LRCH1: variants seen among roughly 807,000 people sequenced by gnomAD.
LRCH1 encodes leucine rich repeats and calponin homology domain containing 1.
In LRCH1, 23 loss-of-function variants were observed where a neutral mutation model predicts 94.9. That is an observed-to-expected ratio of 0.24 (90% CI 0.17 to 0.34). The LOEUF is 0.34. Among genes scored for constraint, LRCH1 ranks in the 10% least tolerant of loss-of-function variants. LRCH1 has a pLI of 1.00. For synonymous variants in LRCH1, 364 were observed against 354.9 expected (o/e 1.03, Z -0.29); for missense variants, 790 against 945.9 (o/e 0.84, Z 2.16).
chr13:46,679,455 C>A (rs545678503), intron 3 of LRCH1, among the ~76,000 whole-genome samples: 1 of 152,204 alleles, frequency 6.6e-6, no homozygotes. Flanking sequence ...GAAATACATT[C>A]GGAAAGGCAG....
intron 18 of LRCH1, among the ~76,000 whole-genome samples, chr13:46,733,228 A>T (rs1193412756): frequency 6.6e-6 from 1 of 152,190 alleles, no homozygotes; most frequent in Non-Finnish European, 1.5e-5. Context: ...AAAAAAGTAT[A>T]GTATATTATA....
chr13:46,637,623 T>C (rs1467606), intron 1 of LRCH1, among the ~76,000 whole-genome samples: 93,358 of 152,052 alleles, frequency 0.61, 28,686 homozygotes, highest in South Asian at 0.68. Flanking sequence ...CTCTTCTTTC[T>C]GTCAGCTCTG....
At chr13:46,657,010 A>G (rs2138091877) in intron 2 of LRCH1, among the ~76,000 whole-genome samples, 1 of 152,300 alleles carries the variant, frequency 6.6e-6, no homozygotes, top group South Asian at 2.1e-4. Context: ...AGAGACACAA[A>G]AGGGATATTA....
intron 3 of LRCH1, among the ~76,000 whole-genome samples, chr13:46,679,625 T>C (rs2051723847): frequency 1.3e-5 from 2 of 152,314 alleles, no homozygotes; most frequent in Non-Finnish European, 2.9e-5. Context: ...TTTCTCAAAC[T>C]TGTGTGTGAC....
At chr13:46,635,671 G>C (rs9316217) in intron 1 of LRCH1, among the ~76,000 whole-genome samples, 127,541 of 151,816 alleles carry the variant, frequency 0.84, 54,116 homozygotes, top group African/African-American at 0.96. Flanking sequence ...CGGGGTTTCA[G>C]CATGTTAGCC....
Position 46,590,286 on chromosome 13 carries a change from C to T in LRCH1, c.307+36583C>T, listed in dbSNP as rs376773261. ...ACTGGGTTTCCTGTCCTCCCCCCTT[C>T]ACCCTATCTCTTTCTATCTCCTCTT... is the stretch of plus-strand genomic sequence containing the variant. On this transcript the variant is annotated intron_variant, in intron 1 of 19. Coordinates refer to ENST00000389797, the MANE Select transcript of LRCH1 (RefSeq NM_001164211.2). Among the ~76,000 whole-genome samples the T allele has an allele frequency of 2.3e-4, 35 of 152,306 alleles. No homozygotes were observed. In the East Asian group the frequency reaches 6.8e-3, roughly 29 times the overall value.
chr13:46,742,712 T>C lies in LRCH1; in HGVS notation c.*864T>C, dbSNP rs1873729757. ...ACTGCTTTTTTGCCACATCACATAGTAACTGCCGGTCCAGAATGTGACGGA... is the reference window on the plus strand; with the variant it reads ...ACTGCTTTTTTGCCACATCACATAGCAACTGCCGGTCCAGAATGTGACGGA... On this transcript the variant is annotated 3_prime_UTR_variant, in exon 20 of 20. Transcript: ENST00000389797. 1.3e-5 allele frequency: 13 copies of C among 985,454 alleles called. No individual in the cohort carries two copies. The highest frequency in any genetic ancestry group is 1.6e-5 in the Non-Finnish European group (13 of 829,934). 61.0% of individuals were successfully genotyped at this position (985,454 alleles called of 1,614,324 possible).
At chr13:46,566,432 A>C (rs927665048) in intron 1 of LRCH1, among the ~76,000 whole-genome samples, 1 of 152,174 alleles carries the variant, frequency 6.6e-6, no homozygotes, top group African/African-American at 2.4e-5. Context: ...TGATATGGTA[A>C]CTCGGAAGGG....
intron 1 of LRCH1, among the ~76,000 whole-genome samples, chr13:46,636,946 T>C (rs1397062689): frequency 7.9e-5 from 12 of 152,188 alleles, no homozygotes; most frequent in African/African-American, 2.9e-4. Context: ...CCATTTATAC[T>C]CTTACAGTTC....
rs377576870 is a variant in LRCH1, at chr13:46,728,912, C to T, written c.1935C>T (p.Val645=). The T allele has an allele frequency of 1.5e-5, 24 of 1,613,624 alleles. No individual in the cohort carries two copies. The African/African-American group carries it at 1.6e-4, about 11-fold the overall frequency. The change falls in exon 18 of 20, where the codon GTC becomes GTT. Residue 645 remains valine (V), a synonymous_variant. Transcript: ENST00000389797. ...EDLGAALMDG[V]VLCHLVNHIR... ...TGGGGGCAGCCCTCATGGATGGTGT[C>T]GTCCTCTGCCATCTGGTCAACCACA...
chr13:46,588,302 C>T (rs960486243), intron 1 of LRCH1, among the ~76,000 whole-genome samples: 3 of 152,026 alleles, frequency 2.0e-5, no homozygotes, highest in Admixed American at 2.0e-4. Flanking sequence ...AAGTGGTAGC[C>T]GTTTTCAGAG....
chr13:46,575,309 A>G lies in LRCH1; in HGVS notation c.307+21606A>G, dbSNP rs144185030. Among the ~76,000 whole-genome samples the G allele has an allele frequency of 1.1e-3, 168 of 152,246 alleles. 1 individual carries two copies. The highest frequency in any genetic ancestry group is 1.9e-3 in the Admixed American group (29 of 15,294). On this transcript the variant is annotated intron_variant, in intron 1 of 19. Coordinates refer to ENST00000389797, the MANE Select transcript of LRCH1 (RefSeq NM_001164211.2). ...GTGCACCCCAGACATTGATGAAGAT[A>G]GTCTATCGTATGACTTAGAGTCACA...
chr13:46,743,654 C>A lies in LRCH1; in HGVS notation c.*1806C>A. On this transcript the variant is annotated 3_prime_UTR_variant, in exon 20 of 20. Coordinates refer to ENST00000389797, the MANE Select transcript of LRCH1 (RefSeq NM_001164211.2). ...ATTCATGAGCTCTCAGCATTCCCAT[C>A]CAGCTCTGCAGTGCATTGAGGCTTC... The A allele has an allele frequency of 2.0e-6, 2 of 985,336 alleles. No homozygotes were observed. Among genetic ancestry groups the A allele is most frequent in the Non-Finnish European group, 2.4e-6 (2 of 829,886 alleles). The allele number at this position is 985,336 out of a possible 1,614,324, so 61.0% of individuals were successfully genotyped here. A position where few individuals can be genotyped will look rare whatever the true frequency, so the allele number is the denominator to read the frequency against.
Position 46,737,097 on chromosome 13 carries a change from G to A in LRCH1, c.2085+3099G>A, listed in dbSNP as rs572995733. ...GTCCCAGGCATTTGCTCCAGGGTGGGTCATGGTTCATGACACACTTCTCTT... is the reference window on the plus strand; with the variant it reads ...GTCCCAGGCATTTGCTCCAGGGTGGATCATGGTTCATGACACACTTCTCTT... On this transcript the variant is annotated intron_variant, in intron 19 of 19. Transcript: ENST00000389797. 2.0e-5 allele frequency among the ~76,000 whole-genome samples: 3 copies of A among 152,248 alleles called. No homozygotes were observed. The East Asian group carries it at 5.8e-4, about 29-fold the overall frequency.
chr13:46,727,997 A>G (rs1872911356), intron 17 of LRCH1, among the ~76,000 whole-genome samples: 1 of 151,326 alleles, frequency 6.6e-6, no homozygotes, highest in Non-Finnish European at 1.5e-5. Context: ...ACCCACTGCA[A>G]CCTCCATCTC....
At chr13:46,581,511 G>C (rs2050364616) in intron 1 of LRCH1, among the ~76,000 whole-genome samples, 1 of 152,216 alleles carries the variant, frequency 6.6e-6, no homozygotes, top group African/African-American at 2.4e-5. Context: ...ACCATGCACA[G>C]TTCCAAGCAC....
At chr13:46,600,086 A>G (rs1228757512) in intron 1 of LRCH1, among the ~76,000 whole-genome samples, 1 of 152,256 alleles carries the variant, frequency 6.6e-6, no homozygotes, top group African/African-American at 2.4e-5. Flanking sequence ...GGGTTTCACC[A>G]TGTTGGCCAG....
chr13:46,644,777 T>A (rs1037028943), intron 1 of LRCH1, among the ~76,000 whole-genome samples: 1 of 152,246 alleles, frequency 6.6e-6, no homozygotes, highest in Non-Finnish European at 1.5e-5. Flanking sequence ...AAGCCCATTG[T>A]TACCTTATAA....
chr13:46,710,507 G>C (rs1490712865), intron 13 of LRCH1, among the ~76,000 whole-genome samples: 2 of 152,192 alleles, frequency 1.3e-5, no homozygotes, highest in Non-Finnish European at 2.9e-5. Flanking sequence ...CAAATTGCAT[G>C]GCTCATACAT....
Sources: gnomAD v4.1 joint callset for allele counts (sites outside exome capture counted in the v4.1 genomes callset) on GRCh38, gnomAD v4.1.1 for gene constraint, MANE v1.5 for transcripts, NCBI Gene and HGNC (gene_info 2026-07-23, HGNC 2026-07-21) for gene names.